Variants in GREM2 observed in about 807,000 individuals in gnomAD.
GREM2 encodes gremlin-2.
A neutral mutation model predicts 14.2 loss-of-function variants in GREM2; 11 were observed. The observed-to-expected ratio is 0.78, with a 90% CI of 0.49 to 1.28. The LOEUF (loss-of-function observed/expected upper bound fraction) is 1.28, where lower values mean the gene tolerates loss of function less well. GREM2 is among the 50% of genes most tolerant of loss of function. The probability of loss-of-function intolerance (pLI) is 0.00; values close to 1 mark genes in which losing one functional copy is unlikely to be tolerated. For missense variants in GREM2, 210 were observed against 218.5 expected, an observed-to-expected ratio of 0.96 and a Z score of 0.24; for synonymous variants, 98 against 97.6, an observed-to-expected ratio of 1.00 and a Z score of -0.02.
rs1677286026 is a variant in GREM2, at chr1:240,492,694, G to A, written c.*275C>T. The A allele has an allele frequency of 3.7e-6, 1 of 271,806 alleles. No homozygotes were observed. Among genetic ancestry groups the A allele is most frequent in the Non-Finnish European group, 6.9e-6 (1 of 145,564 alleles). 16.8% of individuals were successfully genotyped at this position (271,806 alleles called of 1,614,324 possible). A position where few individuals can be genotyped will look rare whatever the true frequency, so the allele number is the denominator to read the frequency against. ...AGGTCCTCTCTGACTGCTGGGTGGC[G>A]GTGGTGGTTTTCCAGCATTTTCCTT... On this transcript the variant is annotated 3_prime_UTR_variant, in exon 2 of 2. Transcript: ENST00000318160.
At chr1:240,597,345 G>GA (rs1290066005) in intron 1 of GREM2, among the ~76,000 whole-genome samples, 3 of 152,296 alleles carry the variant, frequency 2.0e-5, no homozygotes, top group African/African-American at 7.2e-5. Flanking sequence ...GAGCTAGGAA[G>GA]AAACTTTCAC....
intron 1 of GREM2, among the ~76,000 whole-genome samples, chr1:240,555,461 G>A (rs993208677): frequency 3.9e-5 from 6 of 152,186 alleles, no homozygotes; most frequent in African/African-American, 1.2e-4. Context: ...AGTAGATTTG[G>A]TTTCTAAAAT....
chr1:240,522,030 G>A (rs975755307), intron 1 of GREM2, among the ~76,000 whole-genome samples: 5 of 150,848 alleles, frequency 3.3e-5, no homozygotes, highest in African/African-American at 1.2e-4. Flanking sequence ...TGATGTAGGA[G>A]GATTGCTTGA....
chr1:240,532,885 T>C (rs538610613), intron 1 of GREM2, among the ~76,000 whole-genome samples: 2 of 152,378 alleles, frequency 1.3e-5, no homozygotes, highest in African/African-American at 4.8e-5. Context: ...CATTCTGCTT[T>C]GAAGTGTACA....
chr1:240,526,718 A>G (rs1678231510), intron 1 of GREM2, among the ~76,000 whole-genome samples: 2 of 152,192 alleles, frequency 1.3e-5, no homozygotes, highest in Admixed American at 1.3e-4. Flanking sequence ...ACAGACGCAC[A>G]TTGTTCTTTT....
chr1:240,593,266 G>C (rs1284271028), intron 1 of GREM2, among the ~76,000 whole-genome samples: 2 of 152,176 alleles, frequency 1.3e-5, no homozygotes, highest in East Asian at 3.8e-4. Context: ...TGACAGGAAG[G>C]GGGAAGAGGC....
intron 1 of GREM2, among the ~76,000 whole-genome samples, chr1:240,511,542 G>A (rs35428289): frequency 0.16 from 24,236 of 152,170 alleles, 2,283 homozygotes; most frequent in Admixed American, 0.23. Context: ...CCTGAGGTTA[G>A]GAGTTGGAGA....
In GREM2 at chr1:240,604,309, ATGTGTG is replaced by A. The variant is rs61016634; in HGVS notation, c.-2+7569_-2+7574del. On this transcript the variant is annotated intron_variant, in intron 1 of 1. Transcript: ENST00000318160. ...AGATCAGCTTTATATAACTATACGT[ATGTGTG>A]TGTGTGTGTGTGTGTGTGTGTGTAT... Among the ~76,000 whole-genome samples the A allele has an allele frequency of 2.2e-4, 26 of 116,708 alleles. 1 individual carries two copies. Among genetic ancestry groups the A allele is most frequent in the Admixed American group, 1.2e-3 (14 of 11,708 alleles). 76.6% of individuals were successfully genotyped at this position (116,708 alleles called of 152,430 possible).
At chr1:240,586,975 T>A (rs1359175783) in intron 1 of GREM2, among the ~76,000 whole-genome samples, 1 of 152,222 alleles carries the variant, frequency 6.6e-6, no homozygotes, top group Non-Finnish European at 1.5e-5. Flanking sequence ...GAGAGAATTC[T>A]TGGAAATATA....
At chr1:240,587,034 C>T (rs1201127184) in intron 1 of GREM2, among the ~76,000 whole-genome samples, 1 of 152,114 alleles carries the variant, frequency 6.6e-6, no homozygotes, top group African/African-American at 2.4e-5. Context: ...TTTACCCTCT[C>T]GAAGGCTTTA....
intron 1 of GREM2, among the ~76,000 whole-genome samples, chr1:240,562,551 C>T (rs1679060509): frequency 1.3e-5 from 2 of 152,174 alleles, no homozygotes; most frequent in Non-Finnish European, 2.9e-5. Context: ...GTGTAATCCA[C>T]GCCATTAGTT....
chr1:240,511,109 A>G (rs1227759767), intron 1 of GREM2, among the ~76,000 whole-genome samples: 2 of 152,204 alleles, frequency 1.3e-5, no homozygotes, highest in East Asian at 3.9e-4. Flanking sequence ...TTTGAACACT[A>G]GTGTACATAT....
intron 1 of GREM2, among the ~76,000 whole-genome samples, chr1:240,556,841 A>T (rs1678959357): frequency 6.6e-6 from 1 of 152,186 alleles, no homozygotes; most frequent in Non-Finnish European, 1.5e-5. Flanking sequence ...TTTAAAAGTA[A>T]GGGACCACTG....
At chr1:240,503,957 A>G (rs1677627051) in intron 1 of GREM2, among the ~76,000 whole-genome samples, 1 of 152,146 alleles carries the variant, frequency 6.6e-6, no homozygotes. Flanking sequence ...TTAAATGTTT[A>G]TTAATTTATG....
intron 1 of GREM2, among the ~76,000 whole-genome samples, chr1:240,548,836 A>G (rs1253548223): frequency 2.6e-5 from 4 of 152,206 alleles, no homozygotes; most frequent in Admixed American, 6.5e-5. Flanking sequence ...CTTGGTTAGA[A>G]AGAAAACTTG....
intron 1 of GREM2, among the ~76,000 whole-genome samples, chr1:240,595,637 C>T (rs531736273): frequency 6.6e-6 from 1 of 152,198 alleles, no homozygotes; most frequent in African/African-American, 2.4e-5. Context: ...CCCTGGAAGC[C>T]ATCTGGAGGC....
intron 1 of GREM2, among the ~76,000 whole-genome samples, chr1:240,592,713 C>T (rs1679735635): frequency 6.6e-6 from 1 of 152,162 alleles, no homozygotes; most frequent in South Asian, 2.1e-4. Context: ...TACACAGGTC[C>T]ATCACTGCCC....
At chr1:240,548,442 T>C (rs1216838271) in intron 1 of GREM2, among the ~76,000 whole-genome samples, 1 of 152,208 alleles carries the variant, frequency 6.6e-6, no homozygotes, top group Non-Finnish European at 1.5e-5. Flanking sequence ...CTTTTGCACA[T>C]AGTCCTCTTA....
At chr1:240,495,123 C>T (rs1677378987) in intron 1 of GREM2, among the ~76,000 whole-genome samples, 1 of 152,230 alleles carries the variant, frequency 6.6e-6, no homozygotes, top group Non-Finnish European at 1.5e-5. Flanking sequence ...GTGTAATTCA[C>T]ATTTTAAATT....
Sources: allele counts gnomAD v4.1 joint callset (sites outside exome capture counted in the v4.1 genomes callset), GRCh38; gene constraint gnomAD v4.1.1; transcripts MANE v1.5; gene names NCBI Gene and HGNC (gene_info 2026-07-23, HGNC 2026-07-21).